The following NPAS3 variants were observed in gnomAD, a reference collection of about 807,000 sequenced individuals.
The protein encoded by NPAS3 is neuronal PAS domain protein 3.
NPAS3 carries 14 observed loss-of-function variants against 73.1 expected under a neutral mutation model. That is an observed-to-expected ratio of 0.19 (90% CI 0.13 to 0.30). The LOEUF (loss-of-function observed/expected upper bound fraction) is 0.30, where lower values mean the gene tolerates loss of function less well. Ranked by LOEUF, NPAS3 falls within the 10% of genes least tolerant of loss-of-function variation. The pLI is 1.00. For missense variants in NPAS3, 1,096 were observed against 1,250.0 expected, an observed-to-expected ratio of 0.88 and a Z score of 1.86; for synonymous variants, 620 against 541.5, an observed-to-expected ratio of 1.14 and a Z score of -2.01.
chr14:33,011,817 G>T (rs1043275155), intron 1 of NPAS3, among the ~76,000 whole-genome samples: 10 of 152,072 alleles, frequency 6.6e-5, no homozygotes, highest in African/African-American at 2.4e-4. Context: ...CTAATTGCAG[G>T]CTGTGAGAAT....
chr14:33,650,873 G>A (rs2058972701), intron 5 of NPAS3, among the ~76,000 whole-genome samples: 1 of 152,192 alleles, frequency 6.6e-6, no homozygotes, highest in Non-Finnish European at 1.5e-5. Flanking sequence ...AGGAGCAGGA[G>A]CAGGACCCAG....
intron 2 of NPAS3, among the ~76,000 whole-genome samples, chr14:33,125,935 G>A (rs563317605): frequency 6.6e-6 from 1 of 152,200 alleles, no homozygotes; most frequent in Non-Finnish European, 1.5e-5. Context: ...TCCAATTTGG[G>A]TAATATGCTT....
At chr14:33,495,384 T>C (rs918407931) in intron 4 of NPAS3, among the ~76,000 whole-genome samples, 1 of 152,132 alleles carries the variant, frequency 6.6e-6, no homozygotes, top group Non-Finnish European at 1.5e-5. Flanking sequence ...AAGAGTGTTT[T>C]AGTTCCAATT....
chr14:33,693,466 A>C (rs1160936911), intron 6 of NPAS3, among the ~76,000 whole-genome samples: 3 of 152,184 alleles, frequency 2.0e-5, no homozygotes, highest in Non-Finnish European at 2.9e-5. Flanking sequence ...CTGTGTTTAC[A>C]TGATCCCGTC....
Position 33,054,858 on chromosome 14 carries a change from TGCCTCG to T in NPAS3, c.51-1041_51-1036del, listed in dbSNP as rs545047888. Among the ~76,000 whole-genome samples, 68 of 152,254 alleles carry T rather than the reference TGCCTCG, an allele frequency of 4.5e-4. 2 individuals carry two copies. Among genetic ancestry groups the T allele is most frequent in the Admixed American group, 4.4e-3 (68 of 15,292 alleles). ...TGATCTCCTGACCTCGTGATCCGCC[TGCCTCG>T]GCCTCCCAAAGTGCTGTGATTACAG... On this transcript the variant is annotated intron_variant, in intron 1 of 11. Coordinates refer to ENST00000356141, the Ensembl canonical transcript of NPAS3.
chr14:33,377,000 T>C (rs1401752546), intron 4 of NPAS3, among the ~76,000 whole-genome samples: 1 of 152,184 alleles, frequency 6.6e-6, no homozygotes. Context: ...ATCAGAAACT[T>C]TATTACTTCA....
At chr14:33,411,027 C>G (rs1351188894) in intron 4 of NPAS3, among the ~76,000 whole-genome samples, 1 of 152,176 alleles carries the variant, frequency 6.6e-6, no homozygotes, top group Non-Finnish European at 1.5e-5. Flanking sequence ...TGAACCCAGA[C>G]TTATCAGTCC....
At chr14:33,342,757 A>C (rs952256020) in intron 3 of NPAS3, among the ~76,000 whole-genome samples, 4 of 151,360 alleles carry the variant, frequency 2.6e-5, no homozygotes, top group African/African-American at 7.3e-5. Context: ...GCTGCTCACT[A>C]TCTTGGTATG....
intron 2 of NPAS3, among the ~76,000 whole-genome samples, chr14:33,139,573 G>T (rs1168498432): frequency 6.6e-6 from 1 of 152,110 alleles, no homozygotes; most frequent in Non-Finnish European, 1.5e-5. Flanking sequence ...GCATATTAAA[G>T]AATTGTATTC....
intron 4 of NPAS3, among the ~76,000 whole-genome samples, chr14:33,542,820 G>A (rs376373227): frequency 3.2e-4 from 49 of 152,318 alleles, no homozygotes; most frequent in African/African-American, 1.1e-3. Flanking sequence ...GGGCCACAGA[G>A]AGCAAGAGAT....
intron 5 of NPAS3, among the ~76,000 whole-genome samples, chr14:33,658,252 C>G (rs1052306302): frequency 1.3e-5 from 2 of 152,206 alleles, no homozygotes; most frequent in Non-Finnish European, 2.9e-5. Flanking sequence ...GGTACAGTGA[C>G]TTATCCAGCC....
intron 4 of NPAS3, among the ~76,000 whole-genome samples, chr14:33,421,935 T>G (rs2139039623): frequency 6.6e-6 from 1 of 152,088 alleles, no homozygotes; most frequent in South Asian, 2.1e-4. Context: ...GAGTAGTTTT[T>G]AATTTTTGAG....
At chr14:33,666,950 T>G (rs1329284784) in intron 5 of NPAS3, among the ~76,000 whole-genome samples, 1 of 152,252 alleles carries the variant, frequency 6.6e-6, no homozygotes, top group African/African-American at 2.4e-5. Context: ...AGAGCATCAC[T>G]GTTCAACAGA....
At chr14:33,786,690 T>C (rs539005841) in intron 9 of NPAS3, among the ~76,000 whole-genome samples, 5 of 152,362 alleles carry the variant, frequency 3.3e-5, no homozygotes, top group African/African-American at 1.2e-4. Context: ...TAAGCATCTC[T>C]TTCTCATTCA....
At chr14:33,273,516 G>T (rs1012766854) in intron 3 of NPAS3, among the ~76,000 whole-genome samples, 1 of 152,130 alleles carries the variant, frequency 6.6e-6, no homozygotes, top group Non-Finnish European at 1.5e-5. Context: ...ACAACCTAGA[G>T]AATTATGTGA....
chr14:32,974,231 A>T (rs1193464741), intron 1 of NPAS3, among the ~76,000 whole-genome samples: 2 of 152,228 alleles, frequency 1.3e-5, no homozygotes, highest in Admixed American at 6.5e-5. Flanking sequence ...TTGAACACTT[A>T]AGATTGCTAG....
intron 1 of NPAS3, among the ~76,000 whole-genome samples, chr14:33,052,551 T>C (rs1213525466): frequency 6.6e-6 from 1 of 152,190 alleles, no homozygotes; most frequent in Non-Finnish European, 1.5e-5. Flanking sequence ...AACTAGAAAA[T>C]AAAACCCTTT....
intron 1 of NPAS3, among the ~76,000 whole-genome samples, chr14:32,979,493 T>C (rs2037813810): frequency 2.6e-5 from 4 of 152,174 alleles, no homozygotes; most frequent in Non-Finnish European, 5.9e-5. Context: ...GGAATGAAGG[T>C]ATCAGTGTAA....
At chr14:33,181,462 A>G (rs1455617196) in intron 2 of NPAS3, among the ~76,000 whole-genome samples, 3 of 152,234 alleles carry the variant, frequency 2.0e-5, no homozygotes, top group Non-Finnish European at 2.9e-5. Flanking sequence ...TAGTGGGACA[A>G]TGAGTCCCTC....
Sources: gnomAD v4.1 joint callset for allele counts (sites outside exome capture counted in the v4.1 genomes callset) on GRCh38, gnomAD v4.1.1 for gene constraint, MANE v1.5 for transcripts, NCBI Gene and HGNC (gene_info 2026-07-23, HGNC 2026-07-21) for gene names.